PAPSS2: variants seen among roughly 807,000 people sequenced by gnomAD.
PAPSS2 encodes the protein bifunctional 3'-phosphoadenosine 5'-phosphosulfate synthase 2.
A neutral mutation model predicts 66.5 loss-of-function variants in PAPSS2; 61 were observed. The observed-to-expected ratio is 0.92, with a 90% CI of 0.75 to 1.14. The LOEUF is 1.14. Ranked by LOEUF, PAPSS2 falls within the 50% of genes most tolerant of loss-of-function variation. The pLI is 0.00. For synonymous variants in PAPSS2, 289 were observed against 287.5 expected, an observed-to-expected ratio of 1.01 and a Z score of -0.05; for missense variants, 708 against 789.6, an observed-to-expected ratio of 0.90 and a Z score of 1.24.
chr10:87,665,298 G>A (rs909551692), intron 1 of PAPSS2, among the ~76,000 whole-genome samples: 2 of 151,728 alleles, frequency 1.3e-5, no homozygotes, highest in African/African-American at 2.4e-5. Flanking sequence ...TGCAAGTTCC[G>A]CCTTCCGGGT....
chr10:87,688,973 AAC>A (rs780799005), intron 1 of PAPSS2, among the ~76,000 whole-genome samples: 433 of 142,168 alleles, frequency 3.0e-3, no homozygotes, highest in African/African-American at 0.01. Context: ...TAAAAAAAAA[AAC>A]TGTATGGAAA....
chr10:87,745,243 G>C lies in PAPSS2; in HGVS notation c.1721+12G>C, dbSNP rs755189600. 27 of 1,591,294 alleles carry C rather than the reference G, an allele frequency of 1.7e-5. No homozygotes were observed. Among genetic ancestry groups the C allele is most frequent in the Non-Finnish European group, 2.3e-5 (27 of 1,166,880 alleles). On this transcript the variant is annotated intron_variant, in intron 12 of 12. Coordinates refer to ENST00000456849, the MANE Select transcript of PAPSS2 (RefSeq NM_001015880.2). ...TATGATCCAGCAAGGTAGGTTTTCA[G>C]AGGAAAATTCTTTTATCAACATCTG...
rs1345797877 is a variant in PAPSS2 at position 87,746,485 on chromosome 10, G to T, written c.*515G>T. 2 of 152,740 alleles carry T rather than the reference G, an allele frequency of 1.3e-5. No homozygotes were observed. The highest frequency in any genetic ancestry group is 2.9e-5 in the Non-Finnish European group (2 of 68,640). 9.5% of individuals were successfully genotyped at this position (152,740 alleles called of 1,614,324 possible). Reference sequence around the variant, plus strand: ...TCTTCCTGATATTTTACCTCATGCTGTACAAAGCCTTAATGTTGTAATCAT... The same window carrying T: ...TCTTCCTGATATTTTACCTCATGCTTTACAAAGCCTTAATGTTGTAATCAT... On this transcript the variant is annotated 3_prime_UTR_variant, in exon 13 of 13. Coordinates refer to ENST00000456849, the MANE Select transcript of PAPSS2 (RefSeq NM_001015880.2).
chr10:87,700,269 T>C (rs12267849), intron 1 of PAPSS2, among the ~76,000 whole-genome samples: 27,322 of 152,168 alleles, frequency 0.18, 2,729 homozygotes, highest in East Asian at 0.36. Context: ...GAGAAAATTA[T>C]AGTGAGTCAT....
chr10:87,735,980 C>T (rs1853793631), intron 9 of PAPSS2, among the ~76,000 whole-genome samples: 1 of 152,146 alleles, frequency 6.6e-6, no homozygotes, highest in Admixed American at 6.6e-5. Flanking sequence ...CTAGGTGTTT[C>T]AAATCAGCTT....
At chr10:87,700,022 T>C (rs1480962918) in intron 1 of PAPSS2, among the ~76,000 whole-genome samples, 1 of 152,160 alleles carries the variant, frequency 6.6e-6, no homozygotes, top group Non-Finnish European at 1.5e-5. Context: ...GACTTTTTTC[T>C]ATATAGCCTT....
In PAPSS2 at chr10:87,744,998, C is replaced by T; in HGVS notation, c.1492-4C>T. 1 of 1,612,860 alleles carries T rather than the reference C, an allele frequency of 6.2e-7. No individual in the cohort carries two copies. Among genetic ancestry groups the T allele is most frequent in the South Asian group, 1.1e-5 (1 of 91,036 alleles). ...CCAGCATGTCCCTTATGGACATTTT[C>T]TAGGTCCAGTGGCACTGCAGGTCCC... On this transcript the variant is annotated splice_region_variant and splice_polypyrimidine_tract_variant and intron_variant, in intron 11 of 12. Coordinates refer to ENST00000456849, the MANE Select transcript of PAPSS2 (RefSeq NM_001015880.2).
rs1320905943 is a variant in PAPSS2, at chr10:87,743,604, T to C, written c.1454T>C (p.Ile485Thr). The change falls in exon 11 of 13, where the codon ATC becomes ACC. Residue 485 changes from isoleucine to threonine, a missense_variant. Physicochemically the swap from Ile to Thr is moderately conservative, Grantham distance 89. Coordinates refer to ENST00000456849, the MANE Select transcript of PAPSS2 (RefSeq NM_001015880.2). ...GATCCCAAGTCAACCATTGTTGCCA[T>C]CTTTCCGTCTCCCATGTTATATGCT... ...VLDPKSTIVA[I>T]FPSPMLYAGP... 1 of 1,614,022 alleles carries C rather than the reference T, an allele frequency of 6.2e-7. No homozygotes were observed. Among genetic ancestry groups the C allele is most frequent in the Middle Eastern group, 1.6e-4 (1 of 6,084 alleles).
chr10:87,686,642 A>G (rs563567029), intron 1 of PAPSS2, among the ~76,000 whole-genome samples: 245 of 152,308 alleles, frequency 1.6e-3, no homozygotes, highest in African/African-American at 5.7e-3. Flanking sequence ...AAAAATTGCT[A>G]TGTCTACAAT....
intron 1 of PAPSS2, among the ~76,000 whole-genome samples, chr10:87,707,161 A>G (rs1395871888): frequency 6.6e-6 from 1 of 151,922 alleles, no homozygotes; most frequent in African/African-American, 2.4e-5. Flanking sequence ...CTTTCTTAAC[A>G]CCCCTAAAGG....
At chr10:87,715,320 G>A (rs1853519726) in intron 6 of PAPSS2, among the ~76,000 whole-genome samples, 1 of 152,124 alleles carries the variant, frequency 6.6e-6, no homozygotes, top group Admixed American at 6.5e-5. Flanking sequence ...GGAGGTGACT[G>A]GGAAAATAAC....
chr10:87,699,542 C>T (rs1341093821), intron 1 of PAPSS2, among the ~76,000 whole-genome samples: 1 of 152,182 alleles, frequency 6.6e-6, no homozygotes, highest in Non-Finnish European at 1.5e-5. Context: ...CATCTGTGAT[C>T]CCTTTGAACC....
At chr10:87,689,678 A>AG (rs1853144494) in intron 1 of PAPSS2, among the ~76,000 whole-genome samples, 2 of 150,136 alleles carry the variant, frequency 1.3e-5, no homozygotes, top group African/African-American at 2.5e-5. Flanking sequence ...AAAAAAAAAA[A>AG]AAAAGAAAAA....
chr10:87,661,764 A>G (rs1852755725), intron 1 of PAPSS2, among the ~76,000 whole-genome samples: 1 of 152,170 alleles, frequency 6.6e-6, no homozygotes, highest in Non-Finnish European at 1.5e-5. Flanking sequence ...TGAACCTTCT[A>G]TTTTTTGTTA....
At chr10:87,720,789 T>A (rs1205529299) in intron 7 of PAPSS2, among the ~76,000 whole-genome samples, 1 of 152,204 alleles carries the variant, frequency 6.6e-6, no homozygotes, top group Non-Finnish European at 1.5e-5. Context: ...TTAGAGTATA[T>A]GATAATTGTG....
At chr10:87,731,530 G>A (rs1853729516) in intron 9 of PAPSS2, among the ~76,000 whole-genome samples, 1 of 152,226 alleles carries the variant, frequency 6.6e-6, no homozygotes, top group Non-Finnish European at 1.5e-5. Flanking sequence ...TCTAGATGGT[G>A]ATTCCTCAGA....
At chr10:87,733,774 CT>C (rs1009526332) in intron 9 of PAPSS2, among the ~76,000 whole-genome samples, 2 of 152,106 alleles carry the variant, frequency 1.3e-5, no homozygotes, top group Non-Finnish European at 2.9e-5. Context: ...GAGCTATTTT[CT>C]TTAGGGCCCC....
chr10:87,701,392 CTT>C lies in PAPSS2; in HGVS notation c.28-7802_28-7801del, dbSNP rs572095666. ...TCTTTCTTTCTTTCTTTCTTTCTTT[CTT>C]TCTCTTTCTTTCTCTCTCTCTCTCT... On this transcript the variant is annotated intron_variant, in intron 1 of 12. Coordinates refer to ENST00000456849, the MANE Select transcript of PAPSS2 (RefSeq NM_001015880.2). Among the ~76,000 whole-genome samples the C allele has an allele frequency of 7.2e-3, 610 of 84,924 alleles. 4 individuals carry two copies. The highest frequency in any genetic ancestry group is 0.016 in the African/African-American group (300 of 18,738). The allele number at this position is 84,924 out of a possible 152,430, so 55.7% of individuals were successfully genotyped here.
At chr10:87,683,917 A>ACTC (rs1353377430) in intron 1 of PAPSS2, among the ~76,000 whole-genome samples, 2 of 151,748 alleles carry the variant, frequency 1.3e-5, no homozygotes, top group Non-Finnish European at 2.9e-5. Flanking sequence ...CTGGTCTTGA[A>ACTC]CTCCTGGCTT....
Sources: allele counts gnomAD v4.1 joint callset (sites outside exome capture counted in the v4.1 genomes callset), GRCh38; gene constraint gnomAD v4.1.1; transcripts MANE v1.5; gene names NCBI Gene and HGNC (gene_info 2026-07-23, HGNC 2026-07-21).